The following SULT1B1 variants were observed in gnomAD, a reference collection of about 807,000 sequenced individuals.
The protein encoded by SULT1B1 is sulfotransferase family 1B member 1.
A neutral mutation model predicts 34.6 loss-of-function variants in SULT1B1; 28 were observed. That is an observed-to-expected ratio of 0.81 (90% confidence interval 0.60 to 1.11). SULT1B1 has a LOEUF of 1.11. SULT1B1 is among the 50% of genes least tolerant of loss of function. The pLI, the probability that SULT1B1 is intolerant of heterozygous loss-of-function variation, is 0.00. For synonymous variants in SULT1B1, 147 were observed against 110.2 expected, an observed-to-expected ratio of 1.33 and a Z score of -2.09; for missense variants, 374 against 352.2, an observed-to-expected ratio of 1.06 and a Z score of -0.50.
chr4:69,754,727 A>C lies in SULT1B1; in HGVS notation c.220T>G (p.Phe74Val). 1 of 1,613,444 alleles carries C rather than the reference A, an allele frequency of 6.2e-7. No individual in the cohort carries two copies. The highest frequency in any genetic ancestry group is 8.5e-7 in the Non-Finnish European group (1 of 1,179,574). The change falls in exon 3 of 8, where the codon TTT (phenylalanine) becomes GTT (valine). Residue 74 changes from phenylalanine to valine, a missense_variant. By Grantham distance (50) the Phe-to-Val change is conservative. Coordinates refer to ENST00000310613, the MANE Select transcript of SULT1B1 (RefSeq NM_014465.4). ...DGDIEKCKRG[F>V]ITEKVPMLEM... ...AACATTGGAACTTTTTCAGTAATAA[A>C]ACCTCGCTTACATTTTTCAATATCT...
chr4:69,750,459 G>C (rs1718937413), intron 3 of SULT1B1, among the ~76,000 whole-genome samples: 1 of 152,088 alleles, frequency 6.6e-6, no homozygotes, highest in Admixed American at 6.5e-5. Flanking sequence ...TAAGATAGAT[G>C]ATACATAAAC....
chr4:69,734,061 G>A (rs1257322449), intron 5 of SULT1B1, 77 bp downstream of exon 5: 2 of 1,190,500 alleles, frequency 1.7e-6, no homozygotes, highest in East Asian at 2.9e-5. Flanking sequence ...TAAGTATTTT[G>A]AAAGTCATAA....
chr4:69,749,550 C>T (rs1313578664), intron 4 of SULT1B1, among the ~76,000 whole-genome samples, 171 bp downstream of exon 4: 1 of 152,096 alleles, frequency 6.6e-6, no homozygotes, highest in Non-Finnish European at 1.5e-5. Flanking sequence ...TATATAAACT[C>T]AGACTAAAAC....
intron 7 of SULT1B1, among the ~76,000 whole-genome samples, chr4:69,729,786 T>A (rs1717992606): frequency 6.6e-6 from 1 of 152,118 alleles, no homozygotes; most frequent in South Asian, 2.1e-4. Flanking sequence ...TCAAAGATAT[T>A]GAAAACAGAT....
intron 3 of SULT1B1, 34 bp from the exon 4 acceptor site, chr4:69,749,852 G>A: frequency 6.6e-7 from 1 of 1,521,050 alleles, no homozygotes; most frequent in Non-Finnish European, 9.1e-7. Context: ...GGAAATATTA[G>A]AGTCTCCAGA....
intron 1 of SULT1B1, 37 bp from the exon 2 acceptor site, chr4:69,755,298 T>C: frequency 6.7e-7 from 1 of 1,498,306 alleles, no homozygotes; most frequent in East Asian, 2.3e-5. Context: ...AGAATCTGAG[T>C]AACTAATGTT....
intron 4 of SULT1B1, among the ~76,000 whole-genome samples, chr4:69,738,493 G>T (rs1578053894): frequency 6.6e-6 from 1 of 152,116 alleles, no homozygotes; most frequent in South Asian, 2.1e-4. Context: ...AAACCATCAG[G>T]TCTTCTGAGA....
chr4:69,741,585 G>A (rs1177088912), intron 4 of SULT1B1, among the ~76,000 whole-genome samples: 1 of 152,068 alleles, frequency 6.6e-6, no homozygotes, highest in Non-Finnish European at 1.5e-5. Context: ...AATTCTCATT[G>A]TAGAGATCTT....
At chr4:69,757,099 T>A (rs1719222455) in intron 1 of SULT1B1, among the ~76,000 whole-genome samples, 1 of 152,170 alleles carries the variant, frequency 6.6e-6, no homozygotes, top group East Asian at 1.9e-4. Flanking sequence ...TTTTTTCCAC[T>A]ATTTCCACTG....
rs1717820491 is a variant in SULT1B1, at chr4:69,725,953, A to G, written c.*1135T>C. 1 of 147,838 alleles carries G rather than the reference A, an allele frequency of 6.8e-6. No homozygotes were observed. Among genetic ancestry groups the G allele is most frequent in the African/African-American group, 2.5e-5 (1 of 40,258 alleles). 9.2% of individuals were successfully genotyped at this position (147,838 alleles called of 1,614,324 possible). A position where few individuals can be genotyped will look rare whatever the true frequency, so the allele number is the denominator to read the frequency against. On this transcript the variant is annotated 3_prime_UTR_variant, in exon 8 of 8. Coordinates refer to ENST00000310613, the MANE Select transcript of SULT1B1 (RefSeq NM_014465.4). ...GAGTTAATGGATGCAGCACACCAAC[A>G]TGGCACATGTATGCATATATAACAA...
At chr4:69,728,368 C>T (rs1236970803) in intron 7 of SULT1B1, among the ~76,000 whole-genome samples, 5 of 152,032 alleles carry the variant, frequency 3.3e-5, no homozygotes, top group East Asian at 1.9e-4. Flanking sequence ...ATAATCTATC[C>T]CACCCTCATA....
chr4:69,741,691 T>C (rs1718558030), intron 4 of SULT1B1, among the ~76,000 whole-genome samples: 1 of 152,214 alleles, frequency 6.6e-6, no homozygotes, highest in African/African-American at 2.4e-5. Flanking sequence ...TTGGACGTTA[T>C]TGGCATATAT....
chr4:69,749,103 A>C (rs538902410), intron 4 of SULT1B1, among the ~76,000 whole-genome samples: 1 of 152,048 alleles, frequency 6.6e-6, no homozygotes, highest in South Asian at 2.1e-4. Context: ...AAATTAATAT[A>C]CTTAAGAGGG....
chr4:69,751,872 C>T (rs941483433), intron 3 of SULT1B1, among the ~76,000 whole-genome samples: 1 of 152,164 alleles, frequency 6.6e-6, no homozygotes, highest in Non-Finnish European at 1.5e-5. Flanking sequence ...ATCTGTTATC[C>T]CTGACTCCCA....
intron 1 of SULT1B1, 65 bp from the exon 2 acceptor site, chr4:69,755,326 A>C: frequency 2.4e-6 from 3 of 1,266,032 alleles, no homozygotes; most frequent in Non-Finnish European, 3.3e-6. Context: ...AGACACTGCA[A>C]TTTGTCACAA....
chr4:69,758,431 C>G, intron 1 of SULT1B1: 1 of 985,270 alleles, frequency 1.0e-6, no homozygotes, highest in Non-Finnish European at 1.2e-6. Flanking sequence ...AATGAAATAG[C>G]TCTTTCTGAA....
chr4:69,731,588 T>C (rs1376260296), intron 6 of SULT1B1, among the ~76,000 whole-genome samples: 1 of 152,216 alleles, frequency 6.6e-6, no homozygotes. Flanking sequence ...TGTAAATTAC[T>C]GGACTTTTTT....
At position 69,741,643 on chromosome 4, in the gene SULT1B1, T is replaced by G. The variant is rs568492190; in HGVS notation, c.376-7379A>C. The stretch of plus-strand genomic sequence containing the variant: ...TCCTAGTATTTTATTTTTTTGTGAC[T>G]ATTGTGAATGAGATTACGTTTTGAT... On this transcript the variant is annotated intron_variant, in intron 4 of 7. Coordinates refer to ENST00000310613, the MANE Select transcript of SULT1B1 (RefSeq NM_014465.4). Among the ~76,000 whole-genome samples the G allele has an allele frequency of 2.4e-4, 36 of 152,310 alleles. 1 individual carries two copies. The highest frequency in any genetic ancestry group is 7.2e-4 in the African/African-American group (30 of 41,574).
At chr4:69,739,497 G>C (rs1459537114) in intron 4 of SULT1B1, among the ~76,000 whole-genome samples, 1 of 152,208 alleles carries the variant, frequency 6.6e-6, no homozygotes, top group Non-Finnish European at 1.5e-5. Context: ...CAGTTGGAAG[G>C]TCTGGGACAC....
Sources: gnomAD v4.1 joint callset for allele counts (sites outside exome capture counted in the v4.1 genomes callset) on GRCh38, gnomAD v4.1.1 for gene constraint, MANE v1.5 for transcripts, NCBI Gene and HGNC (gene_info 2026-07-23, HGNC 2026-07-21) for gene names.